Variants in KIF18A observed in about 807,000 individuals in gnomAD.
The protein encoded by KIF18A is kinesin family member 18A, also known as kinesin-like protein KIF18A.
KIF18A carries 67 observed loss-of-function variants against 103.3 expected under a neutral mutation model. The observed-to-expected ratio is 0.65, with a 90% CI of 0.53 to 0.79. The LOEUF (loss-of-function observed/expected upper bound fraction) is 0.79. Among genes scored for constraint, KIF18A ranks in the 30% least tolerant of loss-of-function variants. KIF18A has a pLI of 0.00. For synonymous variants in KIF18A, 367 were observed against 355.5 expected (o/e 1.03, Z -0.36); for missense variants, 1,032 against 1,062.5 (o/e 0.97, Z 0.40).
intron 5 of KIF18A, among the ~76,000 whole-genome samples, chr11:28,089,525 C>T (rs906298665): frequency 6.6e-6 from 1 of 152,106 alleles, no homozygotes; most frequent in Non-Finnish European, 1.5e-5. Context: ...TTCGTTTACA[C>T]CAACAACACC....
chr11:28,051,158 A>G (rs1850706733), intron 13 of KIF18A, among the ~76,000 whole-genome samples: 1 of 151,928 alleles, frequency 6.6e-6, no homozygotes, highest in Non-Finnish European at 1.5e-5. Flanking sequence ...TGTGAAGTCA[A>G]TTTATGAATT....
rs1006206173 is a variant in KIF18A at position 28,048,470 on chromosome 11, T to A, written c.1948+10456A>T. Among the ~76,000 whole-genome samples the A allele has an allele frequency of 2.6e-5, 4 of 152,034 alleles. No individual in the cohort carries two copies. The East Asian group carries it at 7.7e-4, about 29-fold the overall frequency. On this transcript the variant is annotated intron_variant, in intron 13 of 16. Transcript: ENST00000263181. Reference sequence around the variant, plus strand: ...AATGTGTCTACAGCAAGTAGTTCAGTGAAAAAGAGGCTGGTTATCAACTAT... The same window carrying A: ...AATGTGTCTACAGCAAGTAGTTCAGAGAAAAAGAGGCTGGTTATCAACTAT...
intron 15 of KIF18A, among the ~76,000 whole-genome samples, chr11:28,031,586 C>T (rs994071536): frequency 5.3e-5 from 8 of 151,442 alleles, no homozygotes; most frequent in Non-Finnish European, 1.0e-4. Context: ...ATGTAAATAA[C>T]GAGTTAATGG....
intron 9 of KIF18A, among the ~76,000 whole-genome samples, chr11:28,081,954 G>A (rs1043511990): frequency 1.3e-5 from 2 of 152,068 alleles, no homozygotes; most frequent in Non-Finnish European, 2.9e-5. Flanking sequence ...ACTATGAGGG[G>A]TTCAAGATTT....
intron 15 of KIF18A, among the ~76,000 whole-genome samples, chr11:28,031,851 A>G (rs1299865864): frequency 1.3e-5 from 2 of 151,958 alleles, no homozygotes; most frequent in Admixed American, 6.6e-5. Flanking sequence ...AGTATTTATT[A>G]TTTAACATAT....
chr11:28,044,305 C>A (rs372477965), intron 13 of KIF18A, among the ~76,000 whole-genome samples: 6 of 151,870 alleles, frequency 4.0e-5, no homozygotes, highest in African/African-American at 1.4e-4. Flanking sequence ...CCATATACCC[C>A]CTAAATGGAA....
At chr11:28,070,250 C>G (rs1175518139) in intron 10 of KIF18A, among the ~76,000 whole-genome samples, 1 of 152,032 alleles carries the variant, frequency 6.6e-6, no homozygotes, top group Non-Finnish European at 1.5e-5. Flanking sequence ...TGAATTTGGT[C>G]GAAGAACTCC....
At chr11:28,056,681 G>C (rs995769142) in intron 13 of KIF18A, 1 of 161,058 alleles carries the variant, frequency 6.2e-6, no homozygotes, top group Non-Finnish European at 1.5e-5. Flanking sequence ...GCCAAAGACT[G>C]AGGAAATATT....
At chr11:28,089,182 A>T (rs1851269879) in intron 5 of KIF18A, among the ~76,000 whole-genome samples, 2 of 152,114 alleles carry the variant, frequency 1.3e-5, no homozygotes, top group African/African-American at 4.8e-5. Context: ...AATCCCCCAA[A>T]CCTGTATATG....
chr11:28,096,514 A>C (rs1438645734), intron 2 of KIF18A, among the ~76,000 whole-genome samples: 2 of 152,214 alleles, frequency 1.3e-5, no homozygotes, highest in Non-Finnish European at 2.9e-5. Context: ...AAAGAAACCA[A>C]AAATTCAATA....
intron 15 of KIF18A, among the ~76,000 whole-genome samples, chr11:28,034,157 A>C (rs1233251867): frequency 6.6e-6 from 1 of 151,660 alleles, no homozygotes; most frequent in African/African-American, 2.4e-5. Flanking sequence ...TCTTTGGGGA[A>C]GTATCTATTT....
At chr11:28,046,557 G>T (rs2133508617) in intron 13 of KIF18A, among the ~76,000 whole-genome samples, 1 of 126,446 alleles carries the variant, frequency 7.9e-6, no homozygotes, top group South Asian at 3.0e-4. Flanking sequence ...GGGGTAGGGG[G>T]AGGGGGGAGG....
chr11:28,054,235 G>C (rs1010268049), intron 13 of KIF18A, among the ~76,000 whole-genome samples: 4 of 147,508 alleles, frequency 2.7e-5, no homozygotes, highest in African/African-American at 7.5e-5. Flanking sequence ...TTTTGAGACA[G>C]AGTCTTGCTT....
Position 28,088,548 on chromosome 11 carries a change from G to A in KIF18A, c.873C>T (p.Val291=). Residue 291 remains valine (V), a synonymous_variant, in exon 6 of 17, where the codon GTC becomes GTT. Coordinates refer to ENST00000263181, the MANE Select transcript of KIF18A (RefSeq NM_031217.4). ...INRSLLALGN[V]INALADSKRK... is the part of the protein sequence containing the mutation. ...CCTTTGAATCTGCTAAGGCATTGAT[G>A]ACATTCCCAAGAGCTAAAAGTGATC... The A allele has an allele frequency of 1.9e-6, 3 of 1,613,728 alleles. No individual in the cohort carries two copies. Among genetic ancestry groups the A allele is most frequent in the Non-Finnish European group, 2.5e-6 (3 of 1,179,782 alleles).
intron 15 of KIF18A, among the ~76,000 whole-genome samples, chr11:28,026,587 T>C (rs963365356): frequency 3.3e-5 from 5 of 151,804 alleles, no homozygotes; most frequent in African/African-American, 1.2e-4. Flanking sequence ...ATATTAGTTG[T>C]TCATGTGGAA....
intron 15 of KIF18A, among the ~76,000 whole-genome samples, chr11:28,034,999 T>C (rs1014875808): frequency 2.6e-5 from 4 of 151,684 alleles, no homozygotes; most frequent in Non-Finnish European, 5.9e-5. Context: ...TAGTCATATA[T>C]CTTAATCCAT....
intron 10 of KIF18A, 150 bp from the exon 11 acceptor site, chr11:28,069,573 T>C: frequency 1.4e-6 from 1 of 698,058 alleles, no homozygotes; most frequent in Non-Finnish European, 2.2e-6. Context: ...CCCCTTGAAA[T>C]CTCAGAATAC....
chr11:28,084,510 TC>T, intron 7 of KIF18A, 121 bp downstream of exon 7: 1 of 700,046 alleles, frequency 1.4e-6, no homozygotes, highest in Non-Finnish European at 2.3e-6. Context: ...CAAAGACCCT[TC>T]TAACCCTCAG....
chr11:28,022,197 C>T (rs1453084399), intron 16 of KIF18A, among the ~76,000 whole-genome samples: 6 of 151,752 alleles, frequency 4.0e-5, no homozygotes, highest in Admixed American at 3.9e-4. Context: ...TCTCTTTATA[C>T]ATGAAATATT....
Sources: gnomAD v4.1 joint callset for allele counts (sites outside exome capture counted in the v4.1 genomes callset) on GRCh38, gnomAD v4.1.1 for gene constraint, MANE v1.5 for transcripts, NCBI Gene and HGNC (gene_info 2026-07-23, HGNC 2026-07-21) for gene names.